MAGI2: variants seen among roughly 807,000 people sequenced by gnomAD.
The protein encoded by MAGI2 is membrane-associated guanylate kinase, WW and PDZ domain-containing protein 2.
A neutral mutation model predicts 133.3 loss-of-function variants in MAGI2; 35 were observed. That is an observed-to-expected ratio of 0.26 (90% CI 0.20 to 0.35). MAGI2 has a LOEUF of 0.35. Among genes scored for constraint, MAGI2 ranks in the 10% least tolerant of loss-of-function variants. MAGI2 has a pLI of 1.00. For missense variants in MAGI2, 1,636 were observed against 1,863.4 expected (o/e 0.88, Z 2.25); for synonymous variants, 729 against 710.6 (o/e 1.03, Z -0.41).
chr7:78,301,635 T>C (rs769943150), intron 9 of MAGI2, among the ~76,000 whole-genome samples: 5 of 152,238 alleles, frequency 3.3e-5, no homozygotes, highest in Non-Finnish European at 5.9e-5. Context: ...TTGTTTCTTA[T>C]TCATTCTCAT....
intron 15 of MAGI2, among the ~76,000 whole-genome samples, chr7:78,165,306 C>T (rs1016443008): frequency 2.0e-5 from 3 of 151,652 alleles, no homozygotes; most frequent in African/African-American, 7.3e-5. Flanking sequence ...GCTTGGGTGA[C>T]AGAGTGAGAC....
chr7:79,004,422 A>G (rs187596954), intron 2 of MAGI2, among the ~76,000 whole-genome samples: 1 of 152,328 alleles, frequency 6.6e-6, no homozygotes, highest in Admixed American at 6.5e-5. Flanking sequence ...CCATGGAGAT[A>G]GAAGGATGAT....
intron 1 of MAGI2, among the ~76,000 whole-genome samples, chr7:79,136,007 A>AAGAAAGAAAGAAAG (rs1821419813): frequency 2.6e-5 from 3 of 114,616 alleles, no homozygotes; most frequent in African/African-American, 1.3e-4. Context: ...AAGAAAGAGA[A>AAGAAAGAAAGAAAG]AGAAAGAAAG....
intron 2 of MAGI2, among the ~76,000 whole-genome samples, chr7:78,760,633 G>T (rs1011647475): frequency 3.0e-4 from 45 of 152,196 alleles, no homozygotes; most frequent in African/African-American, 9.2e-4. Flanking sequence ...ACAATCTTAT[G>T]GAGAAGTGGC....
intron 2 of MAGI2, among the ~76,000 whole-genome samples, chr7:78,906,908 A>G (rs73373295): frequency 0.098 from 14,933 of 152,182 alleles, 1,758 homozygotes; most frequent in African/African-American, 0.27. Flanking sequence ...CTTTGCCTTA[A>G]GCCATGTGGA....
chr7:78,714,463 TG>T (rs1440107797), intron 2 of MAGI2, among the ~76,000 whole-genome samples: 1 of 152,180 alleles, frequency 6.6e-6, no homozygotes, highest in Non-Finnish European at 1.5e-5. Flanking sequence ...GAAATCTCTG[TG>T]TGTTCTCCCC....
chr7:78,021,233 A>G (rs932624296), intron 21 of MAGI2, among the ~76,000 whole-genome samples: 10 of 152,242 alleles, frequency 6.6e-5, no homozygotes, highest in African/African-American at 2.4e-4. Flanking sequence ...AATATGTCTC[A>G]TGACCTTGGA....
intron 16 of MAGI2, among the ~76,000 whole-genome samples, chr7:78,136,078 C>T (rs574356613): frequency 7.2e-5 from 11 of 151,796 alleles, no homozygotes; most frequent in Non-Finnish European, 1.3e-4. Flanking sequence ...AAATGTTATA[C>T]GTCTTTTAAA....
At chr7:78,795,846 A>T (rs1314587005) in intron 2 of MAGI2, among the ~76,000 whole-genome samples, 1 of 152,112 alleles carries the variant, frequency 6.6e-6, no homozygotes, top group East Asian at 1.9e-4. Flanking sequence ...ACACACAGCC[A>T]ACTCATCTTT....
intron 2 of MAGI2, among the ~76,000 whole-genome samples, chr7:78,889,162 G>A (rs1002341008): frequency 6.6e-6 from 1 of 152,016 alleles, no homozygotes; most frequent in Non-Finnish European, 1.5e-5. Context: ...AATGAAGCGA[G>A]AAGAGAAGTT....
At chr7:78,338,084 T>C (rs1789960875) in intron 9 of MAGI2, among the ~76,000 whole-genome samples, 1 of 152,248 alleles carries the variant, frequency 6.6e-6, no homozygotes, top group East Asian at 1.9e-4. Flanking sequence ...TACAGGTATA[T>C]GTGTATTTGT....
intron 2 of MAGI2, among the ~76,000 whole-genome samples, chr7:78,999,235 AG>A (rs1278227869): frequency 4.6e-5 from 7 of 152,200 alleles, no homozygotes; most frequent in Admixed American, 2.6e-4. Flanking sequence ...AAGCCAATCA[AG>A]TCAGGGCAAA....
chr7:78,329,451 A>G (rs1788944353), intron 9 of MAGI2, among the ~76,000 whole-genome samples: 1 of 152,238 alleles, frequency 6.6e-6, no homozygotes, highest in Non-Finnish European at 1.5e-5. Context: ...CTTATATTCC[A>G]CATACCTGTG....
chr7:79,380,168 G>A (rs1261255004), intron 1 of MAGI2, among the ~76,000 whole-genome samples: 1 of 151,746 alleles, frequency 6.6e-6, no homozygotes, highest in African/African-American at 2.4e-5. Context: ...AAACTAAAGA[G>A]CTTCTGCACA....
At chr7:79,443,277 T>C (rs1437571965) in intron 1 of MAGI2, among the ~76,000 whole-genome samples, 3 of 88,752 alleles carry the variant, frequency 3.4e-5, no homozygotes, top group African/African-American at 1.1e-4. Context: ...TGTGTGTGTG[T>C]GTGTGTGCGT....
intron 1 of MAGI2, among the ~76,000 whole-genome samples, chr7:79,315,875 T>C (rs139372253): frequency 1.3e-5 from 2 of 152,102 alleles, no homozygotes; most frequent in Admixed American, 6.5e-5. Flanking sequence ...AGATATGTAG[T>C]AGAGTTTCTA....
chr7:78,707,681 T>C (rs539153717), intron 2 of MAGI2, among the ~76,000 whole-genome samples: 1 of 152,282 alleles, frequency 6.6e-6, no homozygotes, highest in Non-Finnish European at 1.5e-5. Flanking sequence ...TGCATTCTTA[T>C]ATCTCATTAT....
intron 2 of MAGI2, among the ~76,000 whole-genome samples, chr7:78,690,312 A>G (rs2151119765): frequency 6.6e-6 from 1 of 152,336 alleles, no homozygotes; most frequent in Admixed American, 6.5e-5. Flanking sequence ...CATGTAAATC[A>G]CAGAGCAGCA....
chr7:79,255,865 T>G (rs1185199779), intron 1 of MAGI2, among the ~76,000 whole-genome samples: 1 of 152,142 alleles, frequency 6.6e-6, no homozygotes, highest in African/African-American at 2.4e-5. Flanking sequence ...ACCCAAACCA[T>G]TGTGGCAAAA....
Sources: gnomAD v4.1 joint callset for allele counts (sites outside exome capture counted in the v4.1 genomes callset) on GRCh38, gnomAD v4.1.1 for gene constraint, MANE v1.5 for transcripts, NCBI Gene and HGNC (gene_info 2026-07-23, HGNC 2026-07-21) for gene names.